NTAQ1: variants seen among roughly 807,000 people sequenced by gnomAD.
The protein encoded by NTAQ1 is protein N-terminal glutamine amidohydrolase.
Under a neutral mutation model 28.2 loss-of-function variants are expected in NTAQ1, and 21 were observed. That is an observed-to-expected ratio of 0.74 (90% confidence interval 0.53 to 1.07). NTAQ1 has a LOEUF of 1.07. Among genes scored for constraint, NTAQ1 ranks in the 50% least tolerant of loss-of-function variants. The pLI is 0.00. For synonymous variants in NTAQ1, 105 were observed against 90.0 expected (o/e 1.17, Z -0.94); for missense variants, 264 against 256.6 (o/e 1.03, Z -0.20).
downstream of NTAQ1, among the ~76,000 whole-genome samples, chr8:123,452,799 C>T (rs184135252): frequency 6.2e-4 from 93 of 149,596 alleles, 2 homozygotes; most frequent in East Asian, 0.016. Flanking sequence ...CCCAGCTACT[C>T]GGGAGGCTGA....
upstream of NTAQ1, chr8:123,416,761 A>C (rs1813313667): frequency 7.8e-7 from 1 of 1,278,580 alleles, no homozygotes; most frequent in African/African-American, 1.6e-5. Flanking sequence ...CACGCCGGGA[A>C]CCCACGCGGG....
At chr8:123,437,961 C>T (rs1013554793) in intron 5 of NTAQ1, among the ~76,000 whole-genome samples, 5 of 152,140 alleles carry the variant, frequency 3.3e-5, no homozygotes, top group African/African-American at 1.2e-4. Context: ...CATTTAACAG[C>T]GGGACTAGTA....
At chr8:123,462,785 C>G (rs1027200734) in intron 6 of NTAQ1, among the ~76,000 whole-genome samples, 7 of 152,174 alleles carry the variant, frequency 4.6e-5, no homozygotes, top group African/African-American at 1.7e-4. Flanking sequence ...CACTCCTTCC[C>G]CAAGCATGCC....
At chr8:123,459,889 C>T (rs1273007670) in intron 6 of NTAQ1, among the ~76,000 whole-genome samples, 3 of 151,454 alleles carry the variant, frequency 2.0e-5, no homozygotes, top group Non-Finnish European at 4.4e-5. Flanking sequence ...GCAACCTCCG[C>T]CTCCTGGTTC....
chr8:123,468,447 A>G (rs1290619467), exon 7 of NTAQ1, among the ~76,000 whole-genome samples: 2 of 152,194 alleles, frequency 1.3e-5, no homozygotes, highest in Non-Finnish European at 2.9e-5. Context: ...GATACCTCGT[A>G]TACGTGGAAT....
chr8:123,444,139 AT>A (rs1000337754), downstream of NTAQ1, among the ~76,000 whole-genome samples: 1 of 151,754 alleles, frequency 6.6e-6, no homozygotes, highest in African/African-American at 2.4e-5. Context: ...GTGTGAGAAG[AT>A]TTTCTGTATG....
rs927869851 is a variant in NTAQ1 at position 123,441,508 on chromosome 8, C to T, written c.*93C>T. 12 of 962,638 alleles carry T rather than the reference C, an allele frequency of 1.2e-5. No individual in the cohort carries two copies. The highest frequency in any genetic ancestry group is 1.8e-5 in the Non-Finnish European group (11 of 623,292). The allele number at this position is 962,638 out of a possible 1,614,324, so 59.6% of individuals were successfully genotyped here. ...ACAGCAAACATTATGGTACAGTTGG[C>T]TTGGAATTATGTCTTTCTCTTTTAA... On this transcript the variant is annotated 3_prime_UTR_variant, in exon 6 of 6. Coordinates refer to ENST00000287387, the MANE Select transcript of NTAQ1 (RefSeq NM_018024.3).
chr8:123,416,868 G>C lies in NTAQ1; in HGVS notation c.19G>C (p.Ala7Pro), dbSNP rs371588266. The change falls in exon 1 of 6, where the codon GCT becomes CCT. Residue 7 changes from alanine (A) to proline (P), a missense_variant. Physicochemically the swap from Ala to Pro is conservative, Grantham distance 27. Transcript: ENST00000287387. MEGNGP[A>P]AVHYQPASPP... ...GCCGGCCATGGAAGGTAATGGCCCC[G>C]CTGCTGTCCACTACCAGCCGGCCAG... 9.2e-6 allele frequency: 14 copies of C among 1,529,472 alleles called. No homozygotes were observed. Among genetic ancestry groups the C allele is most frequent in the Non-Finnish European group, 1.1e-5 (12 of 1,139,034 alleles). 94.7% of individuals were successfully genotyped at this position (1,529,472 alleles called of 1,614,324 possible).
In NTAQ1 at chr8:123,441,376, A is replaced by T; in HGVS notation, c.579A>T (p.Leu193=). 6.2e-7 allele frequency: 1 copy of T among 1,611,772 alleles called. No individual in the cohort carries two copies. Among genetic ancestry groups the T allele is most frequent in the Non-Finnish European group, 8.5e-7 (1 of 1,178,752 alleles). The change falls in exon 6 of 6, where the codon CTA becomes CTT. Residue 193 remains leucine (L), a synonymous_variant. Coordinates refer to ENST00000287387, the MANE Select transcript of NTAQ1 (RefSeq NM_018024.3). ...TAGGATGGGGCGCCGTCTACACACTATCCGAATTTACACATCGGTTTGGCA... is the reference window on the plus strand; with the variant it reads ...TAGGATGGGGCGCCGTCTACACACTTTCCGAATTTACACATCGGTTTGGCA... ...PKVGWGAVYT[L]SEFTHRFGSK...
exon 7 of NTAQ1, among the ~76,000 whole-genome samples, chr8:123,468,555 A>T (rs1440004555): frequency 5.3e-5 from 8 of 152,240 alleles, no homozygotes; most frequent in Non-Finnish European, 1.0e-4. Flanking sequence ...TGAAGGACTG[A>T]ATAATATTCC....
chr8:123,436,303 C>G, intron 3 of NTAQ1, 150 bp from the exon 4 acceptor site: 2 of 583,002 alleles, frequency 3.4e-6, no homozygotes, highest in South Asian at 6.1e-5. Flanking sequence ...TTCATGTTTT[C>G]AGGGTGTTGT....
intron 3 of NTAQ1, among the ~76,000 whole-genome samples, chr8:123,434,234 T>C (rs1490134935): frequency 2.0e-5 from 3 of 152,014 alleles, no homozygotes; most frequent in Non-Finnish European, 4.4e-5. Flanking sequence ...TTCACTTCTC[T>C]GGGAACTTCT....
In NTAQ1 at chr8:123,440,312, C is replaced by T. The variant is rs915955173; in HGVS notation, c.509-994C>T. Among the ~76,000 whole-genome samples, 27 of 151,694 alleles carry T rather than the reference C, an allele frequency of 1.8e-4. 1 individual carries two copies. Among genetic ancestry groups the T allele is most frequent in the African/African-American group, 6.5e-4 (27 of 41,336 alleles). ...CTTGGATTCTAGGCACCCACTACCA[C>T]ACCTGGCTAGTTTTTGTATTTTTAG... On this transcript the variant is annotated intron_variant, in intron 5 of 5. Coordinates refer to ENST00000287387, the MANE Select transcript of NTAQ1 (RefSeq NM_018024.3).
At chr8:123,429,840 A>G in intron 2 of NTAQ1, 143 bp from the exon 3 acceptor site, 2 of 490,906 alleles carry the variant, frequency 4.1e-6, no homozygotes, top group South Asian at 7.5e-5. Context: ...AGATTGTGCC[A>G]CTGCACTCCA....
At chr8:123,421,771 C>T (rs1207065560) in intron 1 of NTAQ1, among the ~76,000 whole-genome samples, 2 of 151,378 alleles carry the variant, frequency 1.3e-5, no homozygotes, top group African/African-American at 4.9e-5. Flanking sequence ...TCACTGCAAG[C>T]TCCGTCTCCT....
chr8:123,418,795 A>T (rs759561083), intron 1 of NTAQ1, among the ~76,000 whole-genome samples: 8 of 152,208 alleles, frequency 5.3e-5, no homozygotes, highest in Non-Finnish European at 2.9e-5. Flanking sequence ...ACTCTACCAC[A>T]GAGTTTCTCC....
chr8:123,436,856 C>T (rs1047765230), intron 4 of NTAQ1, among the ~76,000 whole-genome samples: 6 of 151,936 alleles, frequency 3.9e-5, no homozygotes, highest in African/African-American at 9.7e-5. Flanking sequence ...TAATTTCAAG[C>T]GGGTTGGGGA....
chr8:123,434,856 G>A (rs1340160952), intron 3 of NTAQ1, among the ~76,000 whole-genome samples: 6 of 152,084 alleles, frequency 3.9e-5, no homozygotes, highest in Non-Finnish European at 4.4e-5. Context: ...ACTGTTTGGG[G>A]GCGTGGAGGA....
chr8:123,427,503 C>T (rs28633322), intron 1 of NTAQ1, among the ~76,000 whole-genome samples: 45,373 of 151,882 alleles, frequency 0.3, 7,329 homozygotes, highest in South Asian at 0.45. Flanking sequence ...CTCCTGACCT[C>T]GTGATCCGCC....
Sources: gnomAD v4.1 joint callset for allele counts (sites outside exome capture counted in the v4.1 genomes callset) on GRCh38, gnomAD v4.1.1 for gene constraint, MANE v1.5 for transcripts, NCBI Gene and HGNC (gene_info 2026-07-23, HGNC 2026-07-21) for gene names.